The following RLIM variants were observed in gnomAD, a reference collection of about 807,000 sequenced individuals.
RLIM encodes the protein E3 ubiquitin-protein ligase RLIM.
In RLIM, 2 loss-of-function variants were observed where a neutral mutation model predicts 34.0. The observed-to-expected ratio is 0.06, with a 90% CI of 0.02 to 0.19. RLIM has a LOEUF of 0.19. Among genes scored for constraint, RLIM ranks in the 10% least tolerant of loss-of-function variants. RLIM has a pLI of 1.00. For synonymous variants in RLIM, 169 were observed against 164.0 expected, an observed-to-expected ratio of 1.03 and a Z score of -0.23; for missense variants, 286 against 479.7, an observed-to-expected ratio of 0.60 and a Z score of 3.77.
At chrX:74,611,507 CATCT>C (rs1016711430) in intron 1 of RLIM, among the ~76,000 whole-genome samples, 36 of 111,968 alleles carry the variant, frequency 3.2e-4, no homozygotes, top group Non-Finnish European at 9.4e-5. Context: ...ATCCATTTAA[CATCT>C]ATCAATGAGC....
intron 3 of RLIM, among the ~76,000 whole-genome samples, chrX:74,593,806 G>A (rs1160979624): frequency 2.7e-5 from 3 of 112,271 alleles, no homozygotes; most frequent in East Asian, 2.8e-4. Context: ...TGGTACTACT[G>A]ACATTTTAAG....
At chrX:74,610,829 G>A (rs1276134282) in intron 1 of RLIM, among the ~76,000 whole-genome samples, 1 of 110,141 alleles carries the variant, frequency 9.1e-6, no homozygotes, top group Non-Finnish European at 1.9e-5. Flanking sequence ...GGTGGAGGTT[G>A]CAGTGAGCCG....
chrX:74,592,106 C>T lies in RLIM; in HGVS notation c.1209G>A (p.Gln403=). The T allele has an allele frequency of 8.3e-7, 1 of 1,212,009 alleles. No individual in the cohort carries two copies. Among genetic ancestry groups the T allele is most frequent in the Non-Finnish European group, 1.1e-6 (1 of 895,577 alleles). The change falls in exon 4 of 4, where the codon CAG becomes CAA. Residue 403 remains glutamine (Q), a synonymous_variant. Transcript: ENST00000332687. ...GLSETTSVAI[Q]TMLRQIMTGF... ...CTGTCATTATCTGCCTTAACATGGT[C>T]TGAATTGCAACAGATGTAGTCTCAC...
At position 74,584,442 on chromosome X, in the gene RLIM, G is replaced by A. The variant is rs1931296062; in HGVS notation, c.*6998C>T. 8.9e-6 allele frequency among the ~76,000 whole-genome samples: 1 copy of A among 112,373 alleles called. No individual in the cohort carries two copies. Among genetic ancestry groups the A allele is most frequent in the Non-Finnish European group, 1.9e-5 (1 of 53,295 alleles). On this transcript the variant is annotated 3_prime_UTR_variant, in exon 4 of 4. Transcript: ENST00000332687. ...AATTTAATTATAGTTAGTAATCCAT[G>A]CAAGGCCTTATAGTTAAATCTTGTC...
chrX:74,598,177 A>T (rs1328265266), intron 1 of RLIM, among the ~76,000 whole-genome samples: 3 of 112,166 alleles, frequency 2.7e-5, no homozygotes, highest in African/African-American at 9.7e-5. Context: ...TTCTGAGCTC[A>T]AACTACAGTT....
chrX:74,608,896 G>C (rs748792433), intron 1 of RLIM, among the ~76,000 whole-genome samples: 1 of 112,131 alleles, frequency 8.9e-6, no homozygotes, highest in South Asian at 3.7e-4. Flanking sequence ...CTTTAATCTA[G>C]ACAGTGAATT....
At chrX:74,595,000 T>G (rs774727031) in intron 2 of RLIM, among the ~76,000 whole-genome samples, 1 of 105,769 alleles carries the variant, frequency 9.5e-6, no homozygotes, top group East Asian at 3.4e-4. Flanking sequence ...GGCGGAAGAA[T>G]CCCTTGAGTC....
At chrX:74,599,066 T>C (rs1448462294) in intron 1 of RLIM, among the ~76,000 whole-genome samples, 1 of 111,701 alleles carries the variant, frequency 9.0e-6, no homozygotes, top group Non-Finnish European at 1.9e-5. Context: ...ACATTTTGAG[T>C]TTTATCAGGA....
intron 1 of RLIM, among the ~76,000 whole-genome samples, chrX:74,598,396 G>C (rs1244178673): frequency 9.0e-6 from 1 of 111,012 alleles, no homozygotes; most frequent in Non-Finnish European, 1.9e-5. Flanking sequence ...GGGAGGCCGA[G>C]GTGGGAGGAT....
At chrX:74,611,037 T>C (rs1440567869) in intron 1 of RLIM, among the ~76,000 whole-genome samples, 1 of 112,311 alleles carries the variant, frequency 8.9e-6, no homozygotes, top group Non-Finnish European at 1.9e-5. Flanking sequence ...GTTATTACTT[T>C]CTTATATTGG....
Position 74,601,520 on chromosome X carries a change from C to A in RLIM, c.-23-5520G>T, listed in dbSNP as rs1328287449. 1.5e-4 allele frequency among the ~76,000 whole-genome samples: 17 copies of A among 111,185 alleles called. 1 individual carries two copies. The highest frequency in any genetic ancestry group is 1.5e-3 in the Admixed American group (16 of 10,482). The stretch of plus-strand genomic sequence containing the variant: ...CTGGTCAACTTAAAAAAATACAAAC[C>A]CCCCCCCAAAAAGATTAACCTTATT... On this transcript the variant is annotated intron_variant, in intron 1 of 3. Coordinates refer to ENST00000332687, the MANE Select transcript of RLIM (RefSeq NM_016120.4).
At position 74,585,467 on chromosome X, in the gene RLIM, A is replaced by G. The variant is rs1931325792; in HGVS notation, c.*5973T>C. The G allele has an allele frequency of 8.9e-6, 1 of 111,808 alleles. No homozygotes were observed. Among genetic ancestry groups the G allele is most frequent in the Non-Finnish European group, 1.9e-5 (1 of 53,188 alleles). 9.2% of individuals were successfully genotyped at this position (111,808 alleles called of 1,213,427 possible). A position where few individuals can be genotyped will look rare whatever the true frequency, so the allele number is the denominator to read the frequency against. On this transcript the variant is annotated 3_prime_UTR_variant, in exon 4 of 4. Coordinates refer to ENST00000332687, the MANE Select transcript of RLIM (RefSeq NM_016120.4). ...ATTCCCCTTTTTAAAGAAAAACCCA[A>G]GGAGAGATGATCAAGCACAAATGAT...
intron 1 of RLIM, among the ~76,000 whole-genome samples, chrX:74,603,562 C>A (rs1175760448): frequency 3.6e-5 from 4 of 111,714 alleles, no homozygotes; most frequent in Non-Finnish European, 7.5e-5. Context: ...GAATTACAGT[C>A]CCTTTAAAAC....
chrX:74,594,944 C>T (rs896025772), intron 2 of RLIM, among the ~76,000 whole-genome samples: 21 of 106,398 alleles, frequency 2.0e-4, no homozygotes, highest in African/African-American at 6.5e-4. Flanking sequence ...CTAAGCTGGG[C>T]GCACAGTGGT....
At position 74,596,000 on chromosome X, in the gene RLIM, C is replaced by T. The variant is rs779352147; in HGVS notation, c.-23G>A. On this transcript the variant is annotated splice_region_variant and 5_prime_UTR_variant, in exon 2 of 4. Transcript: ENST00000332687. Reference sequence around the variant, plus strand: ...CATATTGATGAACAAGTGGAAAATACCTGAAAAGAGAAAAGAGACTAATCT... The same window carrying T: ...CATATTGATGAACAAGTGGAAAATATCTGAAAAGAGAAAAGAGACTAATCT... The T allele has an allele frequency of 8.2e-6, 9 of 1,097,260 alleles. No individual in the cohort carries two copies. Among genetic ancestry groups the T allele is most frequent in the East Asian group, 3.1e-5 (1 of 32,017 alleles). The allele number at this position is 1,097,260 out of a possible 1,213,427, so 90.4% of individuals were successfully genotyped here.
chrX:74,614,200 T>C (rs2079726530), intron 1 of RLIM, among the ~76,000 whole-genome samples: 2 of 107,728 alleles, frequency 1.9e-5, no homozygotes, highest in South Asian at 4.1e-4. Context: ...ACCCACCTCC[T>C]TCCCCTTCAA....
Position 74,587,218 on chromosome X carries a change from A to G in RLIM, c.*4222T>C, listed in dbSNP as rs2079591721. 2 of 112,489 alleles carry G rather than the reference A, an allele frequency of 1.8e-5. No homozygotes were observed. Among genetic ancestry groups the G allele is most frequent in the Middle Eastern group, 9.2e-3 (2 of 218 alleles). The allele number at this position is 112,489 out of a possible 1,213,427, so 9.3% of individuals were successfully genotyped here. A position where few individuals can be genotyped will look rare whatever the true frequency, so the allele number is the denominator to read the frequency against. On this transcript the variant is annotated 3_prime_UTR_variant, in exon 4 of 4. Transcript: ENST00000332687. ...TTTTTTCAAAAGCACACAATTTACT[A>G]GTTAACTCAATGAATTACAATACTG...
At chrX:74,610,865 G>C (rs1317962990) in intron 1 of RLIM, among the ~76,000 whole-genome samples, 2 of 109,063 alleles carry the variant, frequency 1.8e-5, no homozygotes, top group Non-Finnish European at 3.8e-5. Context: ...ATTCCAGCCT[G>C]GGCGACAGAG....
intron 1 of RLIM, among the ~76,000 whole-genome samples, chrX:74,605,135 T>A (rs999344347): frequency 9.0e-6 from 1 of 111,588 alleles, no homozygotes; most frequent in African/African-American, 3.3e-5. Flanking sequence ...GGACTAGACA[T>A]AATTACATTT....
Sources: allele counts gnomAD v4.1 joint callset (sites outside exome capture counted in the v4.1 genomes callset), GRCh38; gene constraint gnomAD v4.1.1; transcripts MANE v1.5; gene names NCBI Gene and HGNC (gene_info 2026-07-23, HGNC 2026-07-21).